Variants in TBC1D1 observed in about 807,000 individuals in gnomAD.
TBC1D1 encodes TBC1 (tre-2/USP6, BUB2, cdc16) domain family, member 1.
TBC1D1 carries 89 observed loss-of-function variants against 125.6 expected under a neutral mutation model. The observed-to-expected ratio is 0.71, with a 90% CI of 0.60 to 0.85. The LOEUF is 0.85. TBC1D1 is among the 40% of genes least tolerant of loss of function. The pLI, the probability that TBC1D1 is intolerant of heterozygous loss-of-function variation, is 0.00. For synonymous variants in TBC1D1, 565 were observed against 564.1 expected (o/e 1.00, Z -0.02); for missense variants, 1,377 against 1,469.2 (o/e 0.94, Z 1.03).
chr4:38,043,532 A>G (rs1748810787), intron 8 of TBC1D1, among the ~76,000 whole-genome samples: 1 of 151,456 alleles, frequency 6.6e-6, no homozygotes, highest in East Asian at 2.0e-4. Context: ...GCAGTGAGCC[A>G]TGATTGTGGC....
intron 15 of TBC1D1, among the ~76,000 whole-genome samples, chr4:38,109,731 C>T (rs912701842): frequency 6.6e-6 from 1 of 152,202 alleles, no homozygotes; most frequent in Non-Finnish European, 1.5e-5. Flanking sequence ...CAGGATGATT[C>T]CCTGCACTCT....
intron 15 of TBC1D1, among the ~76,000 whole-genome samples, chr4:38,114,885 T>A (rs1762717062): frequency 6.6e-6 from 1 of 152,032 alleles, no homozygotes; most frequent in Admixed American, 6.6e-5. Flanking sequence ...AGTACGGAGA[T>A]ATGCATGTGG....
At chr4:37,986,642 C>T (rs927115484) in intron 2 of TBC1D1, among the ~76,000 whole-genome samples, 4 of 151,990 alleles carry the variant, frequency 2.6e-5, no homozygotes, top group East Asian at 3.9e-4. Flanking sequence ...GATGGGGTTT[C>T]GCCATGTTGG....
At chr4:37,984,018 A>C (rs772287580) in intron 2 of TBC1D1, among the ~76,000 whole-genome samples, 1 of 152,120 alleles carries the variant, frequency 6.6e-6, no homozygotes, top group East Asian at 1.9e-4. Context: ...CATACAGTAT[A>C]TATGTAGCCT....
At position 38,009,154 on chromosome 4, in the gene TBC1D1, CAA is replaced by C. The variant is rs540585334; in HGVS notation, c.418-5353_418-5352del. On this transcript the variant is annotated intron_variant, in intron 2 of 19. Coordinates refer to ENST00000261439, the MANE Select transcript of TBC1D1 (RefSeq NM_015173.4). ...CCCTTCCTTTATACCTTACGACCAA[CAA>C]ATACAAATAACTGCTTGTCAATAAA... is the stretch of plus-strand genomic sequence containing the variant. Among the ~76,000 whole-genome samples the C allele has an allele frequency of 1.4e-3, 206 of 152,288 alleles. 2 individuals are homozygous for C. Among genetic ancestry groups the C allele is most frequent in the Non-Finnish European group, 2.4e-3 (164 of 68,016 alleles).
rs368969294 is a variant in TBC1D1, at chr4:38,118,443, C to G, written c.2962+251C>G. 17 of 434,654 alleles carry G rather than the reference C, an allele frequency of 3.9e-5. No homozygotes were observed. In the African/African-American group the frequency reaches 4.1e-4, roughly 10 times the overall value. The allele number at this position is 434,654 out of a possible 1,614,324, so 26.9% of individuals were successfully genotyped here. On this transcript the variant is annotated intron_variant, in intron 17 of 19. Transcript: ENST00000261439. Reference sequence around the variant, plus strand: ...TGGATCCGATCCGTGTAGATCCGATCGCTCACCATGAGGGTCTCCCTAGAG... The same window carrying G: ...TGGATCCGATCCGTGTAGATCCGATGGCTCACCATGAGGGTCTCCCTAGAG...
chr4:38,001,120 T>C (rs1738980496), intron 2 of TBC1D1, among the ~76,000 whole-genome samples: 1 of 151,920 alleles, frequency 6.6e-6, no homozygotes, highest in South Asian at 2.1e-4. Flanking sequence ...ATCGGGAGGC[T>C]GAGGCAGGAG....
At chr4:37,904,539 A>G (rs1716886692) in intron 2 of TBC1D1, among the ~76,000 whole-genome samples, 1 of 152,238 alleles carries the variant, frequency 6.6e-6, no homozygotes, top group East Asian at 1.9e-4. Flanking sequence ...CGGCCATCTG[A>G]GAATAGGCTT....
intron 19 of TBC1D1, among the ~76,000 whole-genome samples, chr4:38,134,454 C>G (rs138019308): frequency 3.2e-4 from 48 of 152,214 alleles, no homozygotes; most frequent in African/African-American, 1.1e-3. Context: ...ACAATTTACC[C>G]TGGAAGTCTC....
intron 2 of TBC1D1, among the ~76,000 whole-genome samples, chr4:37,945,551 A>AAAAAAAAAAAAAAAAAAAC (rs1726529845): frequency 8.3e-6 from 1 of 120,044 alleles, no homozygotes; most frequent in African/African-American, 3.3e-5. Context: ...AAAAAAAAAA[A>AAAAAAAAAAAAAAAAAAAC]GCCTAGAAGC....
intron 12 of TBC1D1, among the ~76,000 whole-genome samples, chr4:38,069,260 C>CT (rs1754277468): frequency 6.6e-6 from 1 of 152,184 alleles, no homozygotes; most frequent in African/African-American, 2.4e-5. Flanking sequence ...TATCACCAAC[C>CT]TGTTTGTTTT....
intron 2 of TBC1D1, among the ~76,000 whole-genome samples, chr4:37,948,495 C>T (rs899808538): frequency 6.6e-5 from 10 of 152,056 alleles, no homozygotes; most frequent in African/African-American, 2.2e-4. Flanking sequence ...AGCGTGGTGG[C>T]GCATGCCTGT....
At chr4:37,912,266 G>A (rs1281919298) in intron 2 of TBC1D1, among the ~76,000 whole-genome samples, 2 of 152,194 alleles carry the variant, frequency 1.3e-5, no homozygotes, top group East Asian at 3.8e-4. Context: ...TATTTTCCAT[G>A]GGACATTCGA....
chr4:38,052,728 G>GCGCGCACACACACA (rs1491148206), intron 11 of TBC1D1, among the ~76,000 whole-genome samples: 1 of 118,276 alleles, frequency 8.5e-6, no homozygotes, highest in African/African-American at 3.5e-5. Flanking sequence ...GCGCGCGCGC[G>GCGCGCACACACACA]CACACACACA....
chr4:37,978,260 G>T (rs1474182129), intron 2 of TBC1D1, among the ~76,000 whole-genome samples: 1 of 152,148 alleles, frequency 6.6e-6, no homozygotes, highest in African/African-American at 2.4e-5. Context: ...ATCCACTCCT[G>T]CAGTGCCAGG....
chr4:37,892,734 C>T (rs954922937), intron 1 of TBC1D1, among the ~76,000 whole-genome samples: 1 of 152,166 alleles, frequency 6.6e-6, no homozygotes, highest in African/African-American at 2.4e-5. Flanking sequence ...CTTTTCACCA[C>T]GACAGCATTT....
chr4:38,111,856 A>T, intron 15 of TBC1D1: 3 of 815,102 alleles, frequency 3.7e-6, no homozygotes, highest in Non-Finnish European at 4.4e-6. Flanking sequence ...AGATGGGTGC[A>T]GTTGTCCTGC....
chr4:38,083,696 G>T (rs149006876), intron 12 of TBC1D1, among the ~76,000 whole-genome samples: 1 of 152,332 alleles, frequency 6.6e-6, no homozygotes, highest in East Asian at 1.9e-4. Context: ...TGAGTAGCTA[G>T]ATCATGGTAG....
chr4:37,969,555 A>G (rs996859296), intron 2 of TBC1D1, among the ~76,000 whole-genome samples: 1 of 152,172 alleles, frequency 6.6e-6, no homozygotes, highest in Non-Finnish European at 1.5e-5. Flanking sequence ...CACGTTGGCC[A>G]GGCTGGCCTT....
Sources: gnomAD v4.1 joint callset for allele counts (sites outside exome capture counted in the v4.1 genomes callset) on GRCh38, gnomAD v4.1.1 for gene constraint, MANE v1.5 for transcripts, NCBI Gene and HGNC (gene_info 2026-07-23, HGNC 2026-07-21) for gene names.